Variants in CFAP70 observed in about 807,000 individuals in gnomAD.
CFAP70 encodes the protein cilia and flagella associated protein 70.
In CFAP70, 81 loss-of-function variants were observed where a neutral mutation model predicts 137.6. The observed-to-expected ratio is 0.59, with a 90% CI of 0.49 to 0.71. The LOEUF (loss-of-function observed/expected upper bound fraction) is 0.71, where lower values mean the gene tolerates loss of function less well. Ranked by LOEUF, CFAP70 falls within the 30% of genes least tolerant of loss-of-function variation. The pLI is 0.00. For missense variants in CFAP70, 976 were observed against 1,226.7 expected (o/e 0.80, Z 3.05); for synonymous variants, 382 against 423.6 (o/e 0.90, Z 1.20).
At chr10:73,324,504 G>T (rs2132231947) in intron 8 of CFAP70, among the ~76,000 whole-genome samples, 1 of 152,338 alleles carries the variant, frequency 6.6e-6, no homozygotes, top group South Asian at 2.1e-4. Flanking sequence ...TTGACGAGTT[G>T]AGAGAAGAAG....
chr10:73,262,164 C>T (rs1276962546), intron 25 of CFAP70, among the ~76,000 whole-genome samples: 22 of 150,844 alleles, frequency 1.5e-4, no homozygotes. Flanking sequence ...AGATCAACCT[C>T]GGCCCACCAA....
intron 12 of CFAP70, among the ~76,000 whole-genome samples, chr10:73,302,445 T>A (rs1564810106): frequency 6.6e-6 from 1 of 152,190 alleles, no homozygotes; most frequent in Admixed American, 6.5e-5. Context: ...TTGATGAGCT[T>A]GATAACAATA....
At chr10:73,256,902 C>CAAAAAAAAAAAAAAAAAA (rs55805225) in intron 25 of CFAP70, among the ~76,000 whole-genome samples, 1 of 58,320 alleles carries the variant, frequency 1.7e-5, no homozygotes, top group African/African-American at 5.9e-5. Context: ...GACTCCATCT[C>CAAAAAAAAAAAAAAAAAA]AAAAAAAAAA....
At chr10:73,257,559 A>G (rs941342451) in intron 25 of CFAP70, among the ~76,000 whole-genome samples, 1 of 152,200 alleles carries the variant, frequency 6.6e-6, no homozygotes, top group Non-Finnish European at 1.5e-5. Context: ...TATCTAGTCC[A>G]ATTTTCTGAT....
intron 25 of CFAP70, among the ~76,000 whole-genome samples, chr10:73,259,811 G>A (rs967923740): frequency 1.3e-4 from 20 of 152,026 alleles, no homozygotes; most frequent in African/African-American, 4.1e-4. Flanking sequence ...GGGAAAGATC[G>A]CTCGAGCCCA....
chr10:73,328,069 T>C (rs374743783), intron 8 of CFAP70, among the ~76,000 whole-genome samples: 13 of 152,226 alleles, frequency 8.5e-5, no homozygotes, highest in East Asian at 3.9e-4. Flanking sequence ...GGAGGCATCA[T>C]GCTACCTGAC....
At chr10:73,342,262 G>T (rs1340652938) in intron 5 of CFAP70, among the ~76,000 whole-genome samples, 1 of 152,256 alleles carries the variant, frequency 6.6e-6, no homozygotes, top group East Asian at 1.9e-4. Context: ...ATATCAGCCA[G>T]GCAAGGTGGC....
intron 24 of CFAP70, 68 bp downstream of exon 25, chr10:73,272,860 G>T: frequency 7.5e-7 from 1 of 1,341,634 alleles, no homozygotes; most frequent in Non-Finnish European, 1.0e-6. Context: ...CCCCCAGGAT[G>T]CTTGGAAGGC....
intron 7 of CFAP70, 23 bp from the exon 9 acceptor site, chr10:73,331,299 T>C: frequency 6.3e-7 from 1 of 1,590,708 alleles, no homozygotes; most frequent in Non-Finnish European, 8.6e-7. Context: ...AATCAGTCCA[T>C]TAGCATTATA....
chr10:73,356,900 T>A (rs576361058), intron 1 of CFAP70, among the ~76,000 whole-genome samples: 13 of 152,312 alleles, frequency 8.5e-5, no homozygotes, highest in African/African-American at 2.9e-4. Flanking sequence ...GAATTGCTCA[T>A]TGAAAAAACT....
chr10:73,294,638 C>G (rs2048403951), intron 15 of CFAP70: 2 of 152,190 alleles, frequency 1.3e-5, no homozygotes, highest in Admixed American at 6.5e-5. Flanking sequence ...GCAGCATATT[C>G]CATAATGCTT....
intron 25 of CFAP70, among the ~76,000 whole-genome samples, chr10:73,259,974 G>A (rs1314562586): frequency 6.6e-6 from 1 of 151,870 alleles, no homozygotes; most frequent in Non-Finnish European, 1.5e-5. Flanking sequence ...CAGCAAGTAA[G>A]CTGTGTTCCT....
chr10:73,311,745 C>A, intron 11 of CFAP70, 89 bp downstream of exon 12: 1 of 1,043,582 alleles, frequency 9.6e-7, no homozygotes, highest in Non-Finnish European at 1.5e-6. Flanking sequence ...TAACTAACAT[C>A]CTGCCTGAGC....
Position 73,301,546 on chromosome 10 carries a change from A to G in CFAP70, c.1257-1881T>C, listed in dbSNP as rs1168370848. ...TATTGTATGATTCCAGAGTTGGCAA[A>G]TCTATAGAGAAAAAAAGTAGATAAA... On this transcript the variant is annotated intron_variant, in intron 12 of 26. Transcript: ENST00000310715. 1.6e-4 allele frequency among the ~76,000 whole-genome samples: 25 copies of G among 152,216 alleles called. 1 individual carries two copies. The highest frequency in any genetic ancestry group is 1.6e-3 in the Admixed American group (25 of 15,286).
chr10:73,304,010 T>C (rs2049166760), intron 12 of CFAP70, among the ~76,000 whole-genome samples: 1 of 152,174 alleles, frequency 6.6e-6, no homozygotes, highest in Non-Finnish European at 1.5e-5. Context: ...TTTTGAGTTT[T>C]TGACTATTTC....
chr10:73,296,947 T>C, intron 15 of CFAP70, 95 bp downstream of exon 16: 2 of 1,441,342 alleles, frequency 1.4e-6, no homozygotes, highest in Non-Finnish European at 1.9e-6. Flanking sequence ...GACACTTCAA[T>C]AAATATTCGT....
chr10:73,306,344 AAACTT>A (rs1300502850), intron 12 of CFAP70, among the ~76,000 whole-genome samples: 3 of 152,176 alleles, frequency 2.0e-5, no homozygotes, highest in Admixed American at 6.6e-5. Context: ...CACATCCAAG[AAACTT>A]AATAAACTCC....
chr10:73,320,737 G>T (rs938326737), intron 9 of CFAP70, among the ~76,000 whole-genome samples: 1 of 150,814 alleles, frequency 6.6e-6, no homozygotes, highest in Admixed American at 6.6e-5. Context: ...GCACAATCTC[G>T]GCTCACTGAA....
upstream of CFAP70, among the ~76,000 whole-genome samples, chr10:73,360,278 C>A (rs2054956574): frequency 6.6e-6 from 1 of 152,176 alleles, no homozygotes; most frequent in Admixed American, 6.5e-5. Context: ...GAGACACCAT[C>A]TCTTCAATTT....
Sources: gnomAD v4.1 joint callset for allele counts (sites outside exome capture counted in the v4.1 genomes callset) on GRCh38, gnomAD v4.1.1 for gene constraint, MANE v1.5 for transcripts, NCBI Gene and HGNC (gene_info 2026-07-23, HGNC 2026-07-21) for gene names.